Variants in RNF17 observed in about 807,000 individuals in gnomAD.
RNF17 encodes spermatogenesis associated 23.
A neutral mutation model predicts 200.5 loss-of-function variants in RNF17; 31 were observed. That is an observed-to-expected ratio of 0.15 (90% confidence interval 0.12 to 0.21). RNF17 has a LOEUF of 0.21. Among genes scored for constraint, RNF17 ranks in the 10% least tolerant of loss-of-function variants. The pLI, the probability that RNF17 is intolerant of heterozygous loss-of-function variation, is 1.00. For missense variants in RNF17, 1,628 were observed against 1,905.1 expected (o/e 0.85, Z 2.71); for synonymous variants, 606 against 637.8 (o/e 0.95, Z 0.75).
At chr13:24,780,477 G>A (rs9507410) in intron 5 of RNF17, among the ~76,000 whole-genome samples, 32,952 of 152,098 alleles carry the variant, frequency 0.22, 4,003 homozygotes, top group East Asian at 0.28. Flanking sequence ...ACTAAAAACA[G>A]AGTGTTCTCT....
intron 14 of RNF17, 136 bp downstream of exon 14, chr13:24,802,707 C>G: frequency 1.6e-6 from 1 of 632,202 alleles, no homozygotes; most frequent in Non-Finnish European, 2.7e-6. Flanking sequence ...TGCTCTTAGA[C>G]TTTTCTGAGT....
downstream of RNF17, among the ~76,000 whole-genome samples, chr13:24,881,637 T>TGTA (rs1953821576): frequency 1.3e-5 from 2 of 150,658 alleles, no homozygotes; most frequent in Non-Finnish European, 3.0e-5. Context: ...TCTAGAGATA[T>TGTA]ATCTAGATAG....
chr13:24,775,652 G>A (rs1452397732), intron 3 of RNF17, among the ~76,000 whole-genome samples: 4 of 152,068 alleles, frequency 2.6e-5, no homozygotes, highest in African/African-American at 4.8e-5. Flanking sequence ...TACCTTTGGG[G>A]TTCTTTTATT....
chr13:24,876,980 A>T lies in RNF17; in HGVS notation c.4584-17A>T. 6.4e-7 allele frequency: 1 copy of T among 1,562,554 alleles called. No individual in the cohort carries two copies. Among genetic ancestry groups the T allele is most frequent in the Non-Finnish European group, 8.6e-7 (1 of 1,156,984 alleles). On this transcript the variant is annotated splice_polypyrimidine_tract_variant and intron_variant, in intron 33 of 35. Transcript: ENST00000255324. The stretch of plus-strand genomic sequence containing the variant: ...AGCCGGAAGAGAATTTTAATGTAAG[A>T]ATTTCTTTTGTGACAGACTGTGCCA...
intron 15 of RNF17, among the ~76,000 whole-genome samples, chr13:24,820,154 G>A (rs1198953452): frequency 1.6e-5 from 2 of 124,810 alleles, no homozygotes; most frequent in Non-Finnish European, 3.2e-5. Flanking sequence ...CAAGAGTCTT[G>A]CTCTCTTGCC....
chr13:24,862,785 C>G lies in RNF17; in HGVS notation c.3967C>G (p.His1323Asp), dbSNP rs1238248800. 1 of 1,571,932 alleles carries G rather than the reference C, an allele frequency of 6.4e-7. No homozygotes were observed. Among genetic ancestry groups the G allele is most frequent in the African/African-American group, 1.3e-5 (1 of 74,122 alleles). Reference sequence around the variant, plus strand: ...GCTTTCAAAGAGACAGGTGGACATTCACATTATGGTAATTTAAAGTATATA... The same window carrying G: ...GCTTTCAAAGAGACAGGTGGACATTGACATTATGGTAATTTAAAGTATATA... Reference protein sequence around the residue: ...QLLSKRQVDIHIMELPKNPWE... With the variant: ...QLLSKRQVDIDIMELPKNPWE... The change falls in exon 28 of 36, where the codon CAC (histidine) becomes GAC (aspartate). Residue 1323 changes from histidine (H) to aspartate (D), a missense_variant. Around this residue, in one of 5 missense-constraint regions of RNF17, gnomAD observed 609 missense variants for 681.9 expected, o/e 0.89. Coordinates refer to ENST00000255324, the MANE Select transcript of RNF17 (RefSeq NM_031277.3).
intron 24 of RNF17, among the ~76,000 whole-genome samples, chr13:24,852,760 A>G (rs961177024): frequency 5.3e-5 from 8 of 152,202 alleles, no homozygotes; most frequent in African/African-American, 1.4e-4. Context: ...TAGGCAAGTT[A>G]ATACTACTGA....
chr13:24,782,698 A>G (rs1882582100), intron 6 of RNF17, among the ~76,000 whole-genome samples: 2 of 151,936 alleles, frequency 1.3e-5, no homozygotes, highest in South Asian at 4.2e-4. Flanking sequence ...TCAACCAGGC[A>G]TTGTGTGCAT....
chr13:24,773,015 A>T (rs1363787882), intron 2 of RNF17, among the ~76,000 whole-genome samples: 1 of 152,196 alleles, frequency 6.6e-6, no homozygotes, highest in East Asian at 1.9e-4. Flanking sequence ...ATGAGATACC[A>T]TCTCACATCA....
At chr13:24,758,281 G>A in the RNF17 span, among the ~76,000 whole-genome samples, 1 of 151,730 alleles carries the variant, frequency 6.6e-6, no homozygotes. Context: ...TGATTCCCCT[G>A]GTCTCTGACC....
intron 22 of RNF17, among the ~76,000 whole-genome samples, chr13:24,846,382 C>T (rs1170082895): frequency 6.6e-6 from 1 of 152,102 alleles, no homozygotes; most frequent in Non-Finnish European, 1.5e-5. Flanking sequence ...GGATATCTAG[C>T]CTCTAAGCCA....
chr13:24,764,742 C>A (rs946016428), intron 1 of RNF17, among the ~76,000 whole-genome samples: 1 of 152,108 alleles, frequency 6.6e-6, no homozygotes, highest in Non-Finnish European at 1.5e-5. Flanking sequence ...AACAAGTAGA[C>A]CATTGTGAAA....
At chr13:24,835,318 C>T (rs1379434971) in intron 18 of RNF17, among the ~76,000 whole-genome samples, 2 of 152,150 alleles carry the variant, frequency 1.3e-5, no homozygotes, top group East Asian at 1.9e-4. Context: ...CCTCGTACTA[C>T]CACAGCTGAT....
At chr13:24,888,569 T>G in the RNF17 span, among the ~76,000 whole-genome samples, 1 of 148,610 alleles carries the variant, frequency 6.7e-6, no homozygotes, top group East Asian at 2.0e-4. Flanking sequence ...GAGCATACTC[T>G]GCTGACAGTA....
intron 34 of RNF17, among the ~76,000 whole-genome samples, chr13:24,878,710 C>T (rs982041038): frequency 1.3e-5 from 2 of 152,192 alleles, no homozygotes; most frequent in Non-Finnish European, 2.9e-5. Flanking sequence ...TGTCTCCCAG[C>T]CAGCTGGATG....
chr13:24,802,387 G>A lies in RNF17; in HGVS notation c.1765G>A (p.Gly589Ser). 2 of 1,611,134 alleles carry A rather than the reference G, an allele frequency of 1.2e-6. No individual in the cohort carries two copies. The highest frequency in any genetic ancestry group is 8.5e-7 in the Non-Finnish European group (1 of 1,178,608). The change falls in exon 14 of 36, where the codon GGC (glycine) becomes AGC (serine). Residue 589 changes from glycine to serine, a missense_variant. Coordinates refer to ENST00000255324, the MANE Select transcript of RNF17 (RefSeq NM_031277.3). ...KDIVPQNSNE[G>S]WEEEAKVEFL... ...ATTTTACTTTCTTGCACAGAATGAA[G>A]GCTGGGAAGAGGAAGCTAAAGTGGA...
At chr13:24,798,703 T>C (rs1884892347) in intron 11 of RNF17, among the ~76,000 whole-genome samples, 3 of 152,190 alleles carry the variant, frequency 2.0e-5, no homozygotes, top group Admixed American at 2.0e-4. Flanking sequence ...AGTAAGTGAA[T>C]TCAAACAAAA....
At chr13:24,795,509 TCA>T (rs1884459365) in intron 10 of RNF17, among the ~76,000 whole-genome samples, 1 of 151,938 alleles carries the variant, frequency 6.6e-6, no homozygotes, top group Non-Finnish European at 1.5e-5. Flanking sequence ...GGAGATCTTT[TCA>T]TATTAGTGAA....
downstream of RNF17, chr13:24,883,033 T>C: frequency 1.4e-6 from 1 of 703,526 alleles, no homozygotes; most frequent in Non-Finnish European, 2.5e-6. Context: ...AATATAAAAA[T>C]GAAGATGCCA....
Sources: allele counts gnomAD v4.1 joint callset (sites outside exome capture counted in the v4.1 genomes callset), GRCh38; gene constraint gnomAD v4.1.1; regional missense constraint gnomAD v4.1.1; transcripts MANE v1.5; gene names NCBI Gene and HGNC (gene_info 2026-07-23, HGNC 2026-07-21).